Variants in GLIS3 observed in about 807,000 individuals in gnomAD.
The protein encoded by GLIS3 is GLIS family zinc finger 3, also known as zinc finger protein GLIS3.
GLIS3 carries 53 observed loss-of-function variants against 78.6 expected under a neutral mutation model. The observed-to-expected ratio is 0.67, with a 90% CI of 0.54 to 0.85. GLIS3 has a LOEUF of 0.85. Ranked by LOEUF, GLIS3 falls within the 40% of genes least tolerant of loss-of-function variation. The pLI is 0.00. For synonymous variants in GLIS3, 684 were observed against 509.9 expected, an observed-to-expected ratio of 1.34 and a Z score of -4.60; for missense variants, 1,703 against 1,231.1, an observed-to-expected ratio of 1.38 and a Z score of -5.74.
intron 2 of GLIS3, chr9:4,151,995 T>C (rs1834720812): frequency 5.7e-6 from 1 of 176,768 alleles, no homozygotes; most frequent in Non-Finnish European, 1.1e-5. Flanking sequence ...CAAATATTTA[T>C]GGGATCTCCA....
chr9:4,397,024 C>CTTTTTT, the GLIS3 span, among the ~76,000 whole-genome samples: 5 of 121,202 alleles, frequency 4.1e-5, no homozygotes, highest in African/African-American at 6.3e-5. Flanking sequence ...TTCTTTTTTT[C>CTTTTTT]TTTTTTTTTT....
the GLIS3 span, among the ~76,000 whole-genome samples, chr9:4,411,509 A>T: frequency 6.6e-6 from 1 of 152,234 alleles, no homozygotes; most frequent in Admixed American, 6.5e-5. Flanking sequence ...GTAATCCCTC[A>T]GAATTTATCT....
At chr9:4,071,824 A>C (rs1827637114) in intron 4 of GLIS3, 1 of 152,184 alleles carries the variant, frequency 6.6e-6, no homozygotes, top group South Asian at 2.1e-4. Flanking sequence ...ATTTTAAAGC[A>C]TTTTCCTAAT....
intron 6 of GLIS3, among the ~76,000 whole-genome samples, chr9:3,904,736 C>T (rs1280887706): frequency 6.6e-6 from 1 of 152,152 alleles, no homozygotes; most frequent in Non-Finnish European, 1.5e-5. Flanking sequence ...TACTGTGTGC[C>T]TCACAACTCT....
At chr9:4,437,420 G>GTATCATCTATC in the GLIS3 span, among the ~76,000 whole-genome samples, 1 of 126,928 alleles carries the variant, frequency 7.9e-6, no homozygotes, top group Non-Finnish European at 1.8e-5. Flanking sequence ...ATGTATGTAT[G>GTATCATCTATC]TATCTATCTA....
intron 4 of GLIS3, among the ~76,000 whole-genome samples, chr9:3,938,801 A>G (rs1429905262): frequency 6.6e-6 from 1 of 152,230 alleles, no homozygotes; most frequent in Non-Finnish European, 1.5e-5. Flanking sequence ...AGCAGAGTGA[A>G]AGGAAACGTC....
intron 2 of GLIS3, among the ~76,000 whole-genome samples, chr9:4,135,574 C>T (rs937465015): frequency 6.6e-6 from 1 of 152,046 alleles, no homozygotes; most frequent in East Asian, 1.9e-4. Flanking sequence ...TATTATATTA[C>T]TCAAATAACA....
chr9:4,440,146 C>G, the GLIS3 span, among the ~76,000 whole-genome samples: 1 of 152,134 alleles, frequency 6.6e-6, no homozygotes, highest in Non-Finnish European at 1.5e-5. Context: ...TAAGTTGTCT[C>G]TTTACTCTGC....
the GLIS3 span, among the ~76,000 whole-genome samples, chr9:4,472,417 C>G: frequency 6.6e-6 from 1 of 152,170 alleles, no homozygotes; most frequent in Non-Finnish European, 1.5e-5. Flanking sequence ...TCATGGAATA[C>G]TATGCAGCCA....
At chr9:3,993,022 A>G (rs577742844) in intron 4 of GLIS3, among the ~76,000 whole-genome samples, 12 of 152,266 alleles carry the variant, frequency 7.9e-5, no homozygotes, top group Admixed American at 2.6e-4. Context: ...GGTAAATCAT[A>G]TCTTTCCTGG....
At chr9:4,184,249 C>G (rs1252920770) in intron 2 of GLIS3, among the ~76,000 whole-genome samples, 1 of 152,156 alleles carries the variant, frequency 6.6e-6, no homozygotes, top group Non-Finnish European at 1.5e-5. Flanking sequence ...AACACTAAAT[C>G]TAACCTAAAT....
intron 4 of GLIS3, among the ~76,000 whole-genome samples, chr9:3,965,909 A>G (rs1299937621): frequency 6.6e-6 from 1 of 152,222 alleles, no homozygotes; most frequent in Non-Finnish European, 1.5e-5. Flanking sequence ...GTGTAGGCAC[A>G]TGTCATTGTT....
At chr9:4,358,038 A>G in the GLIS3 span, among the ~76,000 whole-genome samples, 2 of 152,186 alleles carry the variant, frequency 1.3e-5, no homozygotes, top group Non-Finnish European at 1.5e-5. Context: ...ATCTAATAAG[A>G]ACAGATGCCC....
rs539162683 is a variant in GLIS3, at chr9:3,937,763, A to G, written c.1711-574T>C. On this transcript the variant is annotated intron_variant, in intron 4 of 10. Coordinates refer to ENST00000381971, the MANE Select transcript of GLIS3 (RefSeq NM_001042413.2). ...CTCAAAAGAGTGACCATGTTAATGT[A>G]TATGGTAATGCCAAGGCTAATGAGA... Among the ~76,000 whole-genome samples the G allele has an allele frequency of 8.5e-5, 13 of 152,350 alleles. No homozygotes were observed. In the South Asian group the frequency reaches 2.7e-3, roughly 32 times the overall value.
In GLIS3 at chr9:3,984,602, A is replaced by C. The variant is rs114070506; in HGVS notation, c.1711-47413T>G. Among the ~76,000 whole-genome samples, 1,508 of 152,228 alleles carry C rather than the reference A, an allele frequency of 9.9e-3. 23 individuals carry two copies. Among genetic ancestry groups the C allele is most frequent in the African/African-American group, 0.034 (1,402 of 41,532 alleles). On this transcript the variant is annotated intron_variant, in intron 4 of 10. Transcript: ENST00000381971. ...TGCCTTGTCTCAGATGAGACTTTAGACTGTAGACTTTTGAGTTAATGTTGA... is the reference window on the plus strand; with the variant it reads ...TGCCTTGTCTCAGATGAGACTTTAGCCTGTAGACTTTTGAGTTAATGTTGA...
the GLIS3 span, among the ~76,000 whole-genome samples, chr9:4,377,748 A>G: frequency 1 from 152,141 of 152,244 alleles, 76,019 homozygotes; most frequent in Middle Eastern, 1. Flanking sequence ...TTATTTTTTC[A>G]TTATTAGACA....
the GLIS3 span, among the ~76,000 whole-genome samples, chr9:4,413,660 T>G: frequency 6.6e-6 from 1 of 152,088 alleles, no homozygotes; most frequent in Non-Finnish European, 1.5e-5. Flanking sequence ...GGAACCCTAG[T>G]AGCATCCTGA....
intron 4 of GLIS3, among the ~76,000 whole-genome samples, chr9:4,008,887 C>T (rs1182710741): frequency 6.6e-6 from 1 of 151,952 alleles, no homozygotes; most frequent in Non-Finnish European, 1.5e-5. Flanking sequence ...CGGTTATGCA[C>T]TTGACCCAGC....
rs1264261637 is a variant in GLIS3 at position 4,118,771 on chromosome 9, G to A, written c.707C>T (p.Ser236Leu). 1.2e-6 allele frequency: 2 copies of A among 1,613,024 alleles called. No homozygotes were observed. Among genetic ancestry groups the A allele is most frequent in the African/African-American group, 1.3e-5 (1 of 74,898 alleles). Residue 236 changes from serine (S) to leucine (L), a missense_variant, in exon 4 of 11, where the codon TCG (serine) becomes TTG (leucine). By Grantham distance (145) the Ser-to-Leu change is moderately radical (BLOSUM62 -2). Coordinates refer to ENST00000381971, the MANE Select transcript of GLIS3 (RefSeq NM_001042413.2). The surrounding 1 kb of genome is among the most constrained non-coding windows in gnomAD (Gnocchi z 4.7). ...ATTCTGAGAGCCGTGGTTGGAGAGC[G>A]AAGGGAGGGCCCTGTAGCCCTGGGA... ...EWSQGYRALP[S>L]LSNHGSQNGL... is the part of the protein sequence containing the mutation.
Sources: gnomAD v4.1 joint callset for allele counts (sites outside exome capture counted in the v4.1 genomes callset) on GRCh38, gnomAD v4.1.1 for gene constraint, Gnocchi (gnomAD v3.1) non-coding constraint, MANE v1.5 for transcripts, NCBI Gene and HGNC (gene_info 2026-07-23, HGNC 2026-07-21) for gene names.